The following SCRN1 variants were observed in gnomAD, a reference collection of about 807,000 sequenced individuals.
SCRN1 encodes the protein secernin 1.
SCRN1 carries 19 observed loss-of-function variants against 43.3 expected under a neutral mutation model. The observed-to-expected ratio is 0.44, with a 90% CI of 0.31 to 0.64. The LOEUF (loss-of-function observed/expected upper bound fraction) is 0.64. Ranked by LOEUF, SCRN1 falls within the 30% of genes least tolerant of loss-of-function variation. SCRN1 has a pLI of 0.09. For synonymous variants in SCRN1, 183 were observed against 188.9 expected, an observed-to-expected ratio of 0.97 and a Z score of 0.26; for missense variants, 447 against 524.1, an observed-to-expected ratio of 0.85 and a Z score of 1.44.
Position 29,926,606 on chromosome 7 carries a change from A to G in SCRN1, c.932T>C (p.Val311Ala), listed in dbSNP as rs760817744. ...TTTGGGGACAAGTTTTACGTCATCA[A>G]CAAAGATGAAAGGCTTGAATATGGA... is the stretch of plus-strand genomic sequence containing the variant. ...SRSIFKPFIF[V>A]DDVKLVPKTQ... The change falls in exon 7 of 8, where the codon GTT (valine) becomes GCT (alanine). Residue 311 changes from valine (V) to alanine (A), a missense_variant. Coordinates refer to ENST00000242059, the MANE Select transcript of SCRN1 (RefSeq NM_014766.5). The G allele has an allele frequency of 1.5e-5, 25 of 1,614,112 alleles. No individual in the cohort carries two copies. The South Asian group carries it at 2.5e-4, about 16-fold the overall frequency.
At position 29,955,320 on chromosome 7, in the gene SCRN1, G is replaced by GCATA; in HGVS notation, c.196_199dup (p.Ala67ValfsTer20). 1 of 1,614,092 alleles carries GCATA rather than the reference G, an allele frequency of 6.2e-7. No homozygotes were observed. The highest frequency in any genetic ancestry group is 8.5e-7 in the Non-Finnish European group (1 of 1,180,014). ...CCAGGCGGGTCTGCTTATCATTATG[G>GCATA]CATAGGTCCTTGGAACTTGGTCGAT... On this transcript the variant is annotated frameshift_variant, in exon 3 of 8. Transcript: ENST00000242059. LOFTEE classifies it high-confidence loss of function.
At chr7:29,932,127 G>C (rs1787174848) in intron 6 of SCRN1, among the ~76,000 whole-genome samples, 1 of 146,222 alleles carries the variant, frequency 6.8e-6, no homozygotes, top group Non-Finnish European at 1.5e-5. Flanking sequence ...GGGGGGTTTT[G>C]AAAAGTCAGA....
In SCRN1 at chr7:29,950,964, G is replaced by A. The variant is rs1348442217; in HGVS notation, c.341+4215C>T. Among the ~76,000 whole-genome samples the A allele has an allele frequency of 6.6e-6, 1 of 152,218 alleles. No homozygotes were observed. The highest frequency in any genetic ancestry group is 1.5e-5 in the Non-Finnish European group (1 of 68,044). On this transcript the variant is annotated intron_variant, in intron 3 of 7. Transcript: ENST00000242059. The surrounding 1 kb of genome is among the most constrained non-coding windows in gnomAD (Gnocchi z 4.5). ...AAGAGCTTGGGACCCGCCAAATGGT[G>A]GGACTGAAAGAGCTATAACACAAAC... is the stretch of plus-strand genomic sequence containing the variant.
intron 1 of SCRN1, among the ~76,000 whole-genome samples, chr7:29,980,267 CT>C (rs1263271835): frequency 6.6e-6 from 1 of 152,142 alleles, no homozygotes; most frequent in Non-Finnish European, 1.5e-5. Flanking sequence ...AATAGGCAGG[CT>C]GTGGTGAGCT....
At chr7:29,958,052 C>T (rs1490840435) in intron 2 of SCRN1, among the ~76,000 whole-genome samples, 2 of 152,146 alleles carry the variant, frequency 1.3e-5, no homozygotes, top group Non-Finnish European at 2.9e-5. Context: ...GAAGGGGATC[C>T]CCAAGTAGCC....
chr7:29,977,154 C>T (rs11772269), intron 1 of SCRN1, among the ~76,000 whole-genome samples: 21 of 152,166 alleles, frequency 1.4e-4, no homozygotes, highest in African/African-American at 3.9e-4. Flanking sequence ...TATAAGCTAT[C>T]GGTTTATTAA....
Position 29,942,326 on chromosome 7 carries a change from C to T in SCRN1, c.545-1450G>A, listed in dbSNP as rs75075094. On this transcript the variant is annotated intron_variant, in intron 4 of 7. Transcript: ENST00000242059. ...CCATCACACCGCTGCTGGGATCAGA[C>T]GACATGAAATCAGTAAGTCCAAGAA... 3.2e-3 allele frequency among the ~76,000 whole-genome samples: 481 copies of T among 152,232 alleles called. 6 individuals are homozygous for T. The highest frequency in any genetic ancestry group is 0.011 in the African/African-American group (448 of 41,516).
chr7:29,944,737 C>T (rs1787677523), intron 3 of SCRN1, among the ~76,000 whole-genome samples: 1 of 151,796 alleles, frequency 6.6e-6, no homozygotes, highest in Admixed American at 6.6e-5. Flanking sequence ...GGTCATTTCC[C>T]TTCGACACAG....
chr7:29,965,289 T>C lies in SCRN1; in HGVS notation c.159+3620A>G, dbSNP rs1312165473. Among the ~76,000 whole-genome samples, 1 of 152,198 alleles carries C rather than the reference T, an allele frequency of 6.6e-6. No individual in the cohort carries two copies. Among genetic ancestry groups the C allele is most frequent in the African/African-American group, 2.4e-5 (1 of 41,446 alleles). On this transcript the variant is annotated intron_variant, in intron 2 of 7. Coordinates refer to ENST00000242059, the MANE Select transcript of SCRN1 (RefSeq NM_014766.5). This position sits in a 1 kb window ranked among gnomAD's most constrained non-coding sequence, Gnocchi z 4.2. The stretch of plus-strand genomic sequence containing the variant: ...AGCAAGGGAGTGGTAGAGCTATCTA[T>C]GTTCTGGGAAGAAAATTCTGGTAAC...
In SCRN1 at chr7:29,950,519, C is replaced by T. The variant is rs112208454; in HGVS notation, c.341+4660G>A. 7.9e-5 allele frequency among the ~76,000 whole-genome samples: 12 copies of T among 152,330 alleles called. 1 individual carries two copies. The highest frequency in any genetic ancestry group is 1.3e-4 in the Admixed American group (2 of 15,304). On this transcript the variant is annotated intron_variant, in intron 3 of 7. Transcript: ENST00000242059. The surrounding 1 kb of genome is among the most constrained non-coding windows in gnomAD (Gnocchi z 4.5). ...ACCCCACCTTCAAGCCAGGAATGGC[C>T]GGAAGCCCGGAGGCTGGTCTGCTAG...
At chr7:29,948,255 TG>T (rs1787800271) in intron 3 of SCRN1, among the ~76,000 whole-genome samples, 1 of 152,212 alleles carries the variant, frequency 6.6e-6, no homozygotes, top group Non-Finnish European at 1.5e-5. Flanking sequence ...CTTCTAGCTC[TG>T]GGGCCTTGGG....
intron 2 of SCRN1, among the ~76,000 whole-genome samples, chr7:29,960,336 T>C (rs968761221): frequency 6.6e-6 from 1 of 151,982 alleles, no homozygotes; most frequent in Non-Finnish European, 1.5e-5. Flanking sequence ...TATAAACTCA[T>C]TGACGACAGT....
Position 29,940,673 on chromosome 7 carries a change from C to G in SCRN1, c.739+9G>C, listed in dbSNP as rs927268281. 2.5e-6 allele frequency: 4 copies of G among 1,589,322 alleles called. No individual in the cohort carries two copies. On this transcript the variant is annotated intron_variant, in intron 5 of 7. Coordinates refer to ENST00000242059, the MANE Select transcript of SCRN1 (RefSeq NM_014766.5). ...GAGAAGGAGAATCGTGAGGGAGAGA[C>G]TAACTCACCTTCTTGTTTTTCTAAG... is the stretch of plus-strand genomic sequence containing the variant.
chr7:29,968,920 T>C lies in SCRN1; in HGVS notation c.148A>G (p.Ser50Gly), dbSNP rs1332951536. The change falls in exon 2 of 8, where the codon AGC (serine) becomes GGC (glycine). Residue 50 changes from serine (S) to glycine (G), a missense_variant. Coordinates refer to ENST00000242059, the MANE Select transcript of SCRN1 (RefSeq NM_014766.5). ...YFSAADHEPE[S>G]KVECTYISID... ...AATGCACGGCTTACCTCAACCTTGC[T>C]CTCCGGTTCGTGATCAGCAGCCGAG... 6.2e-7 allele frequency: 1 copy of C among 1,613,988 alleles called. No individual in the cohort carries two copies. Among genetic ancestry groups the C allele is most frequent in the South Asian group, 1.1e-5 (1 of 91,084 alleles).
At chr7:29,935,130 A>G (rs1234310105) in intron 6 of SCRN1, among the ~76,000 whole-genome samples, 1 of 152,222 alleles carries the variant, frequency 6.6e-6, no homozygotes, top group Non-Finnish European at 1.5e-5. Flanking sequence ...AACAGACACA[A>G]TATTTGGTAC....
At chr7:29,952,738 T>C (rs1229057940) in intron 3 of SCRN1, among the ~76,000 whole-genome samples, 1 of 151,772 alleles carries the variant, frequency 6.6e-6, no homozygotes, top group African/African-American at 2.4e-5. Context: ...ATGAGTTACT[T>C]TTAGGATTTG....
chr7:29,927,868 C>A (rs1271305086), intron 6 of SCRN1, among the ~76,000 whole-genome samples: 1 of 152,104 alleles, frequency 6.6e-6, no homozygotes, highest in East Asian at 1.9e-4. Context: ...CACCTGTAAT[C>A]CCAGCATTTT....
intron 5 of SCRN1, among the ~76,000 whole-genome samples, chr7:29,940,069 G>A (rs923359360): frequency 2.6e-5 from 4 of 152,136 alleles, no homozygotes; most frequent in Admixed American, 6.5e-5. Context: ...GCAGCTGAGG[G>A]AGGATCGCTT....
At chr7:29,978,304 T>C (rs1788892286) in intron 1 of SCRN1, among the ~76,000 whole-genome samples, 1 of 152,208 alleles carries the variant, frequency 6.6e-6, no homozygotes, top group Non-Finnish European at 1.5e-5. Context: ...ATATTTGGCT[T>C]CTGCTAAAAA....
Sources: gnomAD v4.1 joint callset for allele counts (sites outside exome capture counted in the v4.1 genomes callset) on GRCh38, gnomAD v4.1.1 for gene constraint, Gnocchi (gnomAD v3.1) non-coding constraint, MANE v1.5 for transcripts, NCBI Gene and HGNC (gene_info 2026-07-23, HGNC 2026-07-21) for gene names.